ADAMTSL3: variants seen among roughly 807,000 people sequenced by gnomAD.
ADAMTSL3 encodes the protein ADAMTS like 3.
A neutral mutation model predicts 201.7 loss-of-function variants in ADAMTSL3; 128 were observed. The observed-to-expected ratio is 0.63, with a 90% CI of 0.55 to 0.73. The LOEUF is 0.73. ADAMTSL3 is among the 30% of genes least tolerant of loss of function. The pLI is 0.00. For synonymous variants in ADAMTSL3, 738 were observed against 748.4 expected, an observed-to-expected ratio of 0.99 and a Z score of 0.23; for missense variants, 1,990 against 2,119.6, an observed-to-expected ratio of 0.94 and a Z score of 1.20.
At chr15:83,927,393 C>T (rs572607184) in intron 17 of ADAMTSL3, among the ~76,000 whole-genome samples, 12 of 152,038 alleles carry the variant, frequency 7.9e-5, no homozygotes, top group African/African-American at 1.9e-4. Context: ...GGATTACAGA[C>T]GTGAGCCACC....
At chr15:83,695,242 G>GTA (rs2061670180) in intron 2 of ADAMTSL3, among the ~76,000 whole-genome samples, 3 of 28,504 alleles carry the variant, frequency 1.1e-4, no homozygotes, top group Admixed American at 3.0e-4. Flanking sequence ...GTGTGTGTGT[G>GTA]TGTGTGTGTG....
chr15:83,942,479 T>C, intron 17 of ADAMTSL3, 117 bp from the exon 18 acceptor site: 2 of 846,520 alleles, frequency 2.4e-6, no homozygotes, highest in Non-Finnish European at 1.8e-6. Context: ...CTGTAGAATC[T>C]GTATACAGGG....
chr15:83,666,596 A>G (rs917163585), intron 2 of ADAMTSL3, among the ~76,000 whole-genome samples: 1 of 152,158 alleles, frequency 6.6e-6, no homozygotes, highest in Non-Finnish European at 1.5e-5. Context: ...CCAGCACTTT[A>G]GGAGGCTGAG....
intron 7 of ADAMTSL3, among the ~76,000 whole-genome samples, chr15:83,849,880 C>T (rs940956216): frequency 6.6e-6 from 1 of 151,854 alleles, no homozygotes; most frequent in Admixed American, 6.6e-5. Context: ...AAGAAAAATC[C>T]CCTGTAGTTA....
intron 19 of ADAMTSL3, among the ~76,000 whole-genome samples, chr15:83,952,978 A>T (rs1010939176): frequency 1.3e-5 from 2 of 152,196 alleles, no homozygotes; most frequent in African/African-American, 4.8e-5. Context: ...GGCATGGAAC[A>T]TCTAACTCCA....
chr15:83,984,006 G>A (rs1434856041), intron 21 of ADAMTSL3, among the ~76,000 whole-genome samples: 1 of 152,170 alleles, frequency 6.6e-6, no homozygotes, highest in Non-Finnish European at 1.5e-5. Context: ...GAATCATAGT[G>A]TTTTGAGATG....
chr15:83,802,786 G>A (rs1016752764), intron 4 of ADAMTSL3, among the ~76,000 whole-genome samples: 1 of 152,142 alleles, frequency 6.6e-6, no homozygotes, highest in African/African-American at 2.4e-5. Context: ...TTGCACAATT[G>A]TATGGGTTTG....
chr15:83,770,104 C>T (rs943636487), intron 3 of ADAMTSL3, among the ~76,000 whole-genome samples: 1 of 152,156 alleles, frequency 6.6e-6, no homozygotes, highest in African/African-American at 2.4e-5. Context: ...AAATCCCTCA[C>T]ACATAGAGGT....
chr15:83,822,900 G>A (rs1288126636), intron 6 of ADAMTSL3, among the ~76,000 whole-genome samples: 1 of 152,032 alleles, frequency 6.6e-6, no homozygotes, highest in Non-Finnish European at 1.5e-5. Context: ...TCCAGCCTGG[G>A]CACCATTGAG....
intron 6 of ADAMTSL3, among the ~76,000 whole-genome samples, chr15:83,821,990 G>A (rs536176322): frequency 2.0e-5 from 3 of 146,380 alleles, no homozygotes; most frequent in East Asian, 4.6e-4. Flanking sequence ...CTGCTGGCCG[G>A]GCGGGTTGCT....
chr15:83,951,345 C>G (rs2066753705), intron 19 of ADAMTSL3, among the ~76,000 whole-genome samples: 1 of 152,114 alleles, frequency 6.6e-6, no homozygotes, highest in South Asian at 2.1e-4. Flanking sequence ...TTAAGCCATC[C>G]TTGCATCCCT....
At chr15:83,717,739 G>A (rs2062039600) in intron 3 of ADAMTSL3, among the ~76,000 whole-genome samples, 1 of 152,168 alleles carries the variant, frequency 6.6e-6, no homozygotes, top group Non-Finnish European at 1.5e-5. Context: ...TCCCATTGGT[G>A]GTGGTAACCA....
intron 8 of ADAMTSL3, among the ~76,000 whole-genome samples, chr15:83,869,295 A>T (rs1034467160): frequency 1.3e-5 from 2 of 151,968 alleles, no homozygotes; most frequent in African/African-American, 4.8e-5. Context: ...ATTTTTACTG[A>T]CAACTCACTT....
intron 5 of ADAMTSL3, among the ~76,000 whole-genome samples, chr15:83,812,887 A>G (rs898053892): frequency 6.6e-6 from 1 of 152,204 alleles, no homozygotes; most frequent in Admixed American, 6.5e-5. Flanking sequence ...AGTACGTGCT[A>G]TTTTTATTTC....
chr15:83,985,025 G>GAAATA (rs2141819551), intron 21 of ADAMTSL3, among the ~76,000 whole-genome samples: 1 of 152,264 alleles, frequency 6.6e-6, no homozygotes, highest in Non-Finnish European at 1.5e-5. Flanking sequence ...CTATATTAAT[G>GAAATA]AAATGTTGGT....
chr15:83,915,224 A>C (rs1443679303), intron 16 of ADAMTSL3, among the ~76,000 whole-genome samples: 2 of 152,194 alleles, frequency 1.3e-5, no homozygotes, highest in Admixed American at 6.5e-5. Context: ...TGCTGTTGGT[A>C]GAATCCCTGT....
At chr15:84,012,090 G>C (rs1023994653) in intron 23 of ADAMTSL3, among the ~76,000 whole-genome samples, 1 of 152,016 alleles carries the variant, frequency 6.6e-6, no homozygotes, top group Admixed American at 6.6e-5. Flanking sequence ...GGCTAGCCTA[G>C]TTTTTATAAC....
At chr15:83,815,500 G>GA (rs536457546) in intron 5 of ADAMTSL3, among the ~76,000 whole-genome samples, 1 of 152,018 alleles carries the variant, frequency 6.6e-6, no homozygotes, top group Non-Finnish European at 1.5e-5. Flanking sequence ...TAACTGATAG[G>GA]AAAAAAATGC....
chr15:83,922,600 A>G (rs2066167734), intron 16 of ADAMTSL3, among the ~76,000 whole-genome samples: 3 of 152,244 alleles, frequency 2.0e-5, no homozygotes, highest in Admixed American at 1.3e-4. Flanking sequence ...GCCTTCTTAT[A>G]TCTCACGTTA....
Sources: gnomAD v4.1 joint callset for allele counts (sites outside exome capture counted in the v4.1 genomes callset) on GRCh38, gnomAD v4.1.1 for gene constraint, MANE v1.5 for transcripts, NCBI Gene and HGNC (gene_info 2026-07-23, HGNC 2026-07-21) for gene names.